MEF2B: variants seen among roughly 807,000 people sequenced by gnomAD.
MEF2B encodes myocyte enhancer factor 2B.
Under a neutral mutation model 32.2 loss-of-function variants are expected in MEF2B, and 15 were observed. That is an observed-to-expected ratio of 0.47 (90% CI 0.31 to 0.72). The LOEUF (loss-of-function observed/expected upper bound fraction) is 0.72. Among genes scored for constraint, MEF2B ranks in the 30% least tolerant of loss-of-function variants. The pLI is 0.05. For missense variants in MEF2B, 441 were observed against 511.5 expected (o/e 0.86, Z 1.33); for synonymous variants, 205 against 225.6 (o/e 0.91, Z 0.82).
At chr19:19,159,241 T>TAAAAA (rs35056015) in intron 1 of MEF2B, among the ~76,000 whole-genome samples, 10 of 88,010 alleles carry the variant, frequency 1.1e-4, no homozygotes, top group African/African-American at 4.1e-4. Flanking sequence ...GTGCGTGGCC[T>TAAAAA]AAAAAAAAAA....
In MEF2B at chr19:19,147,212, G is replaced by GGACTGTTTGCCTGTTGA; in HGVS notation, c.394-30_394-29insTCAACAGGCAAACAGTC. Reference sequence around the variant, plus strand: ...TGGGTAGAGAAGGGATGGGTCAGAGGACCCCAGGCCAGATGGGGGTGCCAA... The same window carrying GGACTGTTTGCCTGTTGA: ...TGGGTAGAGAAGGGATGGGTCAGAGGGACTGTTTGCCTGTTGAACCCCAGGCCAGATGGGGGTGCCAA... On this transcript the variant is annotated intron_variant, in intron 4 of 8. Coordinates refer to ENST00000424583, the MANE Select transcript of MEF2B (RefSeq NM_001145785.2). The GGACTGTTTGCCTGTTGA allele has an allele frequency of 2.2e-6, 3 of 1,364,828 alleles. 1 individual carries two copies. The highest frequency in any genetic ancestry group is 1.3e-5 in the South Asian group (1 of 74,680). 84.5% of individuals were successfully genotyped at this position (1,364,828 alleles called of 1,614,324 possible). A position where few individuals can be genotyped will look rare whatever the true frequency, so the allele number is the denominator to read the frequency against.
Position 19,164,207 on chromosome 19 carries a change from A to G in MEF2B, c.-30+5998T>C, listed in dbSNP as rs184857615. ...GTCTCGAACTCCTGACCTTCAGGTGATCCACCCACCTCAGCCTCCCAAAGT... is the reference window on the plus strand; with the variant it reads ...GTCTCGAACTCCTGACCTTCAGGTGGTCCACCCACCTCAGCCTCCCAAAGT... On this transcript the variant is annotated intron_variant, in intron 1 of 8. Transcript: ENST00000424583. Among the ~76,000 whole-genome samples, 27 of 152,118 alleles carry G rather than the reference A, an allele frequency of 1.8e-4. No individual in the cohort carries two copies. The Middle Eastern group carries it at 0.01, about 58-fold the overall frequency.
chr19:19,160,350 T>G (rs1433500503), intron 1 of MEF2B, among the ~76,000 whole-genome samples: 1 of 151,894 alleles, frequency 6.6e-6, no homozygotes, highest in African/African-American at 2.4e-5. Context: ...GCTGAGTCAG[T>G]ACAGCATCCT....
chr19:19,165,169 C>G lies in MEF2B; in HGVS notation c.-30+5036G>C, dbSNP rs541530520. 5.7e-4 allele frequency among the ~76,000 whole-genome samples: 87 copies of G among 152,258 alleles called. 1 individual carries two copies. Among genetic ancestry groups the G allele is most frequent in the Non-Finnish European group, 1.1e-3 (72 of 68,006 alleles). ...GGGGTGGGCAGAGCAAGGCCTCCCC[C>G]CATCACCCAGTCTGATGGGGGAGGC... is the stretch of plus-strand genomic sequence containing the variant. On this transcript the variant is annotated intron_variant, in intron 1 of 8. Transcript: ENST00000424583.
At chr19:19,151,417 C>A (rs1277576655) in intron 1 of MEF2B, among the ~76,000 whole-genome samples, 1 of 152,070 alleles carries the variant, frequency 6.6e-6, no homozygotes, top group African/African-American at 2.4e-5. Flanking sequence ...GATGTGAGAT[C>A]GCCCTGGTAG....
chr19:19,145,768 G>A lies in MEF2B; in HGVS notation c.*29C>T. 1 of 1,554,130 alleles carries A rather than the reference G, an allele frequency of 6.4e-7. No individual in the cohort carries two copies. The highest frequency in any genetic ancestry group is 8.7e-7 in the Non-Finnish European group (1 of 1,148,956). On this transcript the variant is annotated 3_prime_UTR_variant, in exon 9 of 9. Coordinates refer to ENST00000424583, the MANE Select transcript of MEF2B (RefSeq NM_001145785.2). The surrounding 1 kb of genome is among the most constrained non-coding windows in gnomAD (Gnocchi z 4.6). ...CGTGCCCTCGCCGTACCTGGCGAGC[G>A]CTCTGGGCTGGTGCCACCGGGTGAT...
intron 1 of MEF2B, among the ~76,000 whole-genome samples, chr19:19,163,561 A>C (rs767699956): frequency 7.9e-5 from 12 of 152,164 alleles, no homozygotes; most frequent in Non-Finnish European, 1.8e-4. Flanking sequence ...CGCCTAGTAC[A>C]TAGAAGGCCC....
At chr19:19,154,858 G>A (rs2060109689) in intron 1 of MEF2B, among the ~76,000 whole-genome samples, 1 of 152,224 alleles carries the variant, frequency 6.6e-6, no homozygotes. Context: ...CTGGAGAGAA[G>A]GCAAGGGCTG....
rs2060020738 is a variant in MEF2B, at chr19:19,145,866, G to A, written c.1038C>T (p.Ser346=). 6.7e-7 allele frequency: 1 copy of A among 1,483,124 alleles called. No homozygotes were observed. The highest frequency in any genetic ancestry group is 9.0e-7 in the Non-Finnish European group (1 of 1,114,856). The allele number at this position is 1,483,124 out of a possible 1,614,324, so 91.9% of individuals were successfully genotyped here. ...TFPYPLLLAR[S]LAEPLRPGPA... ...GCCCAGGCCGCAGAGGCTCTGCCAG[G>A]GACCGGGCGAGGAGCAAGGGATAGG... The change falls in exon 9 of 9, where the codon TCC becomes TCT. Residue 346 remains serine (S), a synonymous_variant. Transcript: ENST00000424583. The surrounding 1 kb of genome is among the most constrained non-coding windows in gnomAD (Gnocchi z 4.6).
intron 1 of MEF2B, among the ~76,000 whole-genome samples, chr19:19,155,082 T>C (rs1159971901): frequency 6.6e-6 from 1 of 152,142 alleles, no homozygotes; most frequent in African/African-American, 2.4e-5. Flanking sequence ...CATCCTCCAC[T>C]CTAGCCCCTG....
intron 1 of MEF2B, among the ~76,000 whole-genome samples, chr19:19,169,199 A>G (rs1341940821): frequency 6.6e-6 from 1 of 152,002 alleles, no homozygotes; most frequent in Non-Finnish European, 1.5e-5. Flanking sequence ...CTAAAAATAC[A>G]AAAACTAGCC....
At chr19:19,149,807 C>T (rs1014505099) in intron 2 of MEF2B, among the ~76,000 whole-genome samples, 3 of 152,046 alleles carry the variant, frequency 2.0e-5, no homozygotes, top group South Asian at 2.1e-4. Flanking sequence ...AGGCCAGGTG[C>T]GGTGGCTCAG....
intron 1 of MEF2B, among the ~76,000 whole-genome samples, chr19:19,158,850 C>T (rs928965080): frequency 2.0e-5 from 3 of 152,022 alleles, no homozygotes; most frequent in Non-Finnish European, 4.4e-5. Context: ...GTGGGAGGAT[C>T]ACTTGAGCAG....
chr19:19,149,523 A>C (rs780066657), intron 2 of MEF2B, 94 bp from the exon 3 acceptor site: 37 of 1,504,516 alleles, frequency 2.5e-5, no homozygotes, highest in Non-Finnish European at 3.2e-5. Context: ...CCTTCCTCGA[A>C]CATGCCTCAG....
chr19:19,161,346 A>G (rs1273691373), intron 1 of MEF2B, among the ~76,000 whole-genome samples: 1 of 151,976 alleles, frequency 6.6e-6, no homozygotes, highest in African/African-American at 2.4e-5. Flanking sequence ...TATTCCCCAC[A>G]CACGGAGACC....
intron 1 of MEF2B, among the ~76,000 whole-genome samples, chr19:19,158,088 A>G (rs1174124768): frequency 1.4e-5 from 2 of 145,188 alleles, no homozygotes; most frequent in Admixed American, 1.4e-4. Flanking sequence ...CAAAAGGAAG[A>G]TTTCTTTTTT....
chr19:19,147,066 G>A lies in MEF2B; in HGVS notation c.511C>T (p.Arg171Ter), dbSNP rs1353915907. ...LPAQSRPSPFRPAAPKAGPPG... is the reference protein window; with the variant it reads ...LPAQSRPSPF The stretch of plus-strand genomic sequence containing the variant: ...GGCCCGGCTTTGGGGGCTGCTGGTC[G>A]GAAGGGAGATGGGCGGCTCTGGGCG... The change falls in exon 5 of 9, where the codon CGA becomes TGA. Residue 171 changes from arginine to a stop codon, truncating the protein, a stop_gained. Transcript: ENST00000424583. LOFTEE classifies it high-confidence loss of function. 2.5e-6 allele frequency: 4 copies of A among 1,607,906 alleles called. No individual in the cohort carries two copies. Among genetic ancestry groups the A allele is most frequent in the Non-Finnish European group, 3.4e-6 (4 of 1,178,088 alleles).
chr19:19,146,761 C>T lies in MEF2B; in HGVS notation c.656G>A (p.Arg219Gln), dbSNP rs368120349. ...SDLPGGLAGP[R>Q]GGLNTSRSLY... is the part of the protein sequence containing the mutation. Reference sequence around the variant, plus strand: ...ACTCACGGAGGTGTTTAGTCCCCCTCGGGGCCCAGCCAGGCCACCAGGCAG... The same window carrying T: ...ACTCACGGAGGTGTTTAGTCCCCCTTGGGGCCCAGCCAGGCCACCAGGCAG... Residue 219 changes from arginine (R) to glutamine (Q), a missense_variant, in exon 6 of 9, where the codon CGA (arginine) becomes CAA (glutamine). Coordinates refer to ENST00000424583, the MANE Select transcript of MEF2B (RefSeq NM_001145785.2). The T allele has an allele frequency of 1.2e-6, 2 of 1,614,044 alleles. No individual in the cohort carries two copies. Among genetic ancestry groups the T allele is most frequent in the Non-Finnish European group, 1.7e-6 (2 of 1,179,962 alleles).
Position 19,147,679 on chromosome 19 carries a change from G to A in MEF2B, c.393+19C>T. 1 of 1,610,660 alleles carries A rather than the reference G, an allele frequency of 6.2e-7. No individual in the cohort carries two copies. The highest frequency in any genetic ancestry group is 8.5e-7 in the Non-Finnish European group (1 of 1,178,238). ...AAGTAGGAGGAATGCCTCATTCACA[G>A]GGCCAGGGAGTCACTTACATACAGC... is the stretch of plus-strand genomic sequence containing the variant. On this transcript the variant is annotated intron_variant, in intron 4 of 8. Coordinates refer to ENST00000424583, the MANE Select transcript of MEF2B (RefSeq NM_001145785.2).
Sources: allele counts gnomAD v4.1 joint callset (sites outside exome capture counted in the v4.1 genomes callset), GRCh38; gene constraint gnomAD v4.1.1; non-coding constraint Gnocchi (gnomAD v3.1); transcripts MANE v1.5; gene names NCBI Gene and HGNC (gene_info 2026-07-23, HGNC 2026-07-21).